The following CACNA1C variants were observed in gnomAD, a reference collection of about 807,000 sequenced individuals.
CACNA1C encodes calcium voltage-gated channel subunit alpha1 C.
In CACNA1C, 30 loss-of-function variants were observed where a neutral mutation model predicts 229.0. That is an observed-to-expected ratio of 0.13 (90% CI 0.10 to 0.18). The LOEUF (loss-of-function observed/expected upper bound fraction) is 0.18. Among genes scored for constraint, CACNA1C ranks in the 10% least tolerant of loss-of-function variants. The probability of loss-of-function intolerance (pLI) is 1.00; values close to 1 mark genes in which losing one functional copy is unlikely to be tolerated. For synonymous variants in CACNA1C, 1,114 were observed against 1,132.5 expected (o/e 0.98, Z 0.33); for missense variants, 1,658 against 2,845.0 (o/e 0.58, Z 9.49).
intron 1 of CACNA1C, among the ~76,000 whole-genome samples, chr12:2,018,817 CG>C (rs1565938928): frequency 6.6e-6 from 1 of 152,112 alleles, no homozygotes; most frequent in Admixed American, 6.5e-5. Context: ...GTAGAATGAT[CG>C]TGATGAAACA....
At chr12:2,544,467 C>A (rs1441881813) in intron 9 of CACNA1C, among the ~76,000 whole-genome samples, 4 of 152,210 alleles carry the variant, frequency 2.6e-5, no homozygotes, top group African/African-American at 9.6e-5. Flanking sequence ...TGACCAACTT[C>A]CCACCTGCAT....
chr12:2,267,368 TGCCC>T (rs2082789129), intron 3 of CACNA1C, among the ~76,000 whole-genome samples: 1 of 152,170 alleles, frequency 6.6e-6, no homozygotes, highest in African/African-American at 2.4e-5. Context: ...TTAAGTGCTG[TGCCC>T]TAGATCACTC....
chr12:2,605,568 C>A lies in CACNA1C; in HGVS notation c.3049-111C>A. 1 of 771,982 alleles carries A rather than the reference C, an allele frequency of 1.3e-6. No homozygotes were observed. Among genetic ancestry groups the A allele is most frequent in the Non-Finnish European group, 2.3e-6 (1 of 436,980 alleles). The allele number at this position is 771,982 out of a possible 1,614,324, so 47.8% of individuals were successfully genotyped here. ...ACTTTGGGAGCGTGGCTTTGCCCCT[C>A]TCAGCCCAATTACTCCCCGTTGTGG... On this transcript the variant is annotated intron_variant, in intron 23 of 46. Coordinates refer to ENST00000399655, the MANE Select transcript of CACNA1C (RefSeq NM_000719.7). The surrounding 1 kb of genome is among the most constrained non-coding windows in gnomAD (Gnocchi z 6.2).
At chr12:2,142,429 G>A (rs2094327604) in intron 3 of CACNA1C, among the ~76,000 whole-genome samples, 2 of 151,242 alleles carry the variant, frequency 1.3e-5, no homozygotes, top group Non-Finnish European at 3.0e-5. Context: ...GTACAGTACT[G>A]TACAGTACAC....
chr12:2,135,460 G>A lies in CACNA1C; in HGVS notation c.477+15030G>A, dbSNP rs1204090252. 5.1e-5 allele frequency among the ~76,000 whole-genome samples: 7 copies of A among 138,088 alleles called. No homozygotes were observed. In the South Asian group the frequency reaches 1.6e-3, roughly 31 times the overall value. The allele number at this position is 138,088 out of a possible 152,430, so 90.6% of individuals were successfully genotyped here. A position where few individuals can be genotyped will look rare whatever the true frequency, so the allele number is the denominator to read the frequency against. On this transcript the variant is annotated intron_variant, in intron 3 of 46. Transcript: ENST00000399655. The stretch of plus-strand genomic sequence containing the variant: ...GTTTTATCTACTTTTGGTCTTTGAT[G>A]ATGGTGATGTACAGATGGGTTTTTG...
intron 6 of CACNA1C, among the ~76,000 whole-genome samples, chr12:2,491,139 A>G (rs1597907495): frequency 6.6e-6 from 1 of 152,196 alleles, no homozygotes; most frequent in African/African-American, 2.4e-5. Context: ...AAAGCCTCAT[A>G]GTGTGTGATT....
At chr12:2,125,885 G>T (rs2089810124) in intron 3 of CACNA1C, among the ~76,000 whole-genome samples, 1 of 152,152 alleles carries the variant, frequency 6.6e-6, no homozygotes, top group Non-Finnish European at 1.5e-5. Context: ...CCACTCCATT[G>T]GGTTCAAGAA....
chr12:2,353,117 G>A (rs904881852), intron 3 of CACNA1C, among the ~76,000 whole-genome samples: 6 of 152,220 alleles, frequency 3.9e-5, no homozygotes, highest in African/African-American at 1.4e-4. Flanking sequence ...ACCGAAGCAG[G>A]TCAGGTGGGA....
intron 46 of CACNA1C, among the ~76,000 whole-genome samples, 155 bp downstream of exon 46, chr12:2,688,934 C>A (rs1188134206): frequency 6.6e-6 from 1 of 152,176 alleles, no homozygotes; most frequent in African/African-American, 2.4e-5. Flanking sequence ...CAGGAGGGCT[C>A]GTGTGCGGAA....
intron 5 of CACNA1C, among the ~76,000 whole-genome samples, 200 bp downstream of exon 5, chr12:2,457,906 C>T (rs150625509): frequency 1.1e-3 from 170 of 152,322 alleles, no homozygotes; most frequent in African/African-American, 3.6e-3. Context: ...GTGGTCCCAG[C>T]GCCTGGAAAC....
intron 3 of CACNA1C, among the ~76,000 whole-genome samples, chr12:2,336,596 C>T (rs190959301): frequency 2.0e-5 from 3 of 152,286 alleles, no homozygotes; most frequent in Admixed American, 6.5e-5. Context: ...TAGTGAAACA[C>T]GCAAATGAAA....
chr12:2,574,810 C>T, intron 13 of CACNA1C, among the ~76,000 whole-genome samples: 1 of 152,244 alleles, frequency 6.6e-6, no homozygotes. Flanking sequence ...TGGCAGATGC[C>T]CAGTTCCCTG....
chr12:2,242,320 C>T (rs1396398763), intron 3 of CACNA1C, among the ~76,000 whole-genome samples: 1 of 152,112 alleles, frequency 6.6e-6, no homozygotes, highest in Admixed American at 6.5e-5. Context: ...ACAGAGACAG[C>T]AATGCAAGGA....
chr12:2,129,219 A>G (rs2091419635), intron 3 of CACNA1C, among the ~76,000 whole-genome samples: 1 of 152,248 alleles, frequency 6.6e-6, no homozygotes, highest in African/African-American at 2.4e-5. Context: ...GGTGTAGGAA[A>G]GGAGCAAAGA....
At chr12:2,071,869 A>G (rs565652742) in intron 1 of CACNA1C, among the ~76,000 whole-genome samples, 1 of 152,266 alleles carries the variant, frequency 6.6e-6, no homozygotes, top group South Asian at 2.1e-4. Flanking sequence ...ATGATTTCAC[A>G]ATATGTGCGT....
intron 3 of CACNA1C, among the ~76,000 whole-genome samples, chr12:2,374,129 T>G (rs561834971): frequency 1.3e-5 from 2 of 152,188 alleles, no homozygotes; most frequent in Admixed American, 1.3e-4. Context: ...GACAGTAGAC[T>G]AGTAGTCTTC....
intron 4 of CACNA1C, among the ~76,000 whole-genome samples, chr12:2,453,158 A>G (rs962021294): frequency 1.3e-5 from 2 of 152,132 alleles, no homozygotes; most frequent in African/African-American, 4.8e-5. Context: ...CCTCTGGACT[A>G]GAGGAGCCAG....
intron 1 of CACNA1C, among the ~76,000 whole-genome samples, chr12:1,995,583 C>T (rs910776586): frequency 6.6e-6 from 1 of 152,208 alleles, no homozygotes; most frequent in Non-Finnish European, 1.5e-5. Context: ...TCCTTCCTTC[C>T]ACCTCCCATT....
At position 2,068,611 on chromosome 12, in the gene CACNA1C, C is replaced by G. The variant is rs545918850; in HGVS notation, c.49+15000C>G. 5.3e-5 allele frequency among the ~76,000 whole-genome samples: 8 copies of G among 152,302 alleles called. No individual in the cohort carries two copies. In the South Asian group the frequency reaches 1.7e-3, roughly 32 times the overall value. ...TAAAATGCATAGACAGTCCAGTGGC[C>G]CCAAGTCCTTGCCTTTGTTCTTCCA... On this transcript the variant is annotated intron_variant, in intron 1 of 46. Coordinates refer to ENST00000399655, the MANE Select transcript of CACNA1C (RefSeq NM_000719.7).
Sources: gnomAD v4.1 joint callset for allele counts (sites outside exome capture counted in the v4.1 genomes callset) on GRCh38, gnomAD v4.1.1 for gene constraint, Gnocchi (gnomAD v3.1) non-coding constraint, MANE v1.5 for transcripts, NCBI Gene and HGNC (gene_info 2026-07-23, HGNC 2026-07-21) for gene names.